The following PRKCH variants were observed in gnomAD, a reference collection of about 807,000 sequenced individuals.
PRKCH encodes the protein protein kinase C eta, also known as protein kinase C eta type.
In PRKCH, 28 loss-of-function variants were observed where a neutral mutation model predicts 82.5. That is an observed-to-expected ratio of 0.34 (90% CI 0.25 to 0.47). The LOEUF (loss-of-function observed/expected upper bound fraction) is 0.47, where lower values mean the gene tolerates loss of function less well. Among genes scored for constraint, PRKCH ranks in the 20% least tolerant of loss-of-function variants. The pLI, the probability that PRKCH is intolerant of heterozygous loss-of-function variation, is 1.00. For synonymous variants in PRKCH, 322 were observed against 327.4 expected, an observed-to-expected ratio of 0.98 and a Z score of 0.18; for missense variants, 705 against 881.8, an observed-to-expected ratio of 0.80 and a Z score of 2.54.
chr14:61,523,922 C>T (rs916874414), intron 10 of PRKCH, among the ~76,000 whole-genome samples: 3 of 152,132 alleles, frequency 2.0e-5, no homozygotes, highest in African/African-American at 7.2e-5. Flanking sequence ...GTCGATGTAG[C>T]GAGGGAGCAT....
intron 9 of PRKCH, among the ~76,000 whole-genome samples, chr14:61,480,856 C>T (rs902462250): frequency 1.3e-5 from 2 of 152,178 alleles, no homozygotes; most frequent in South Asian, 4.1e-4. Flanking sequence ...TGCCTGCCTT[C>T]GCAGTCCCTC....
chr14:61,368,639 C>A (rs1452210019), intron 1 of PRKCH, among the ~76,000 whole-genome samples: 1 of 152,122 alleles, frequency 6.6e-6, no homozygotes, highest in Non-Finnish European at 1.5e-5. Context: ...CTGATCACCT[C>A]CTCTCTTACA....
chr14:61,534,926 A>G (rs1222266462), intron 12 of PRKCH, among the ~76,000 whole-genome samples: 1 of 152,224 alleles, frequency 6.6e-6, no homozygotes, highest in African/African-American at 2.4e-5. Flanking sequence ...ACTTGTGAGT[A>G]GTAATTTCAC....
chr14:61,518,185 G>A (rs2139987528), intron 10 of PRKCH, among the ~76,000 whole-genome samples: 2 of 152,262 alleles, frequency 1.3e-5, no homozygotes, highest in African/African-American at 4.8e-5. Flanking sequence ...AGCCACCAAA[G>A]GTCTGTTGTC....
At chr14:61,438,775 C>T (rs956999972) in intron 2 of PRKCH, among the ~76,000 whole-genome samples, 8 of 152,152 alleles carry the variant, frequency 5.3e-5, no homozygotes, top group Non-Finnish European at 8.8e-5. Flanking sequence ...GTCACATGTG[C>T]TTTCTAAAGT....
At chr14:61,346,160 C>T (rs960731103) in intron 1 of PRKCH, among the ~76,000 whole-genome samples, 3 of 152,098 alleles carry the variant, frequency 2.0e-5, no homozygotes, top group Non-Finnish European at 4.4e-5. Flanking sequence ...ACATGCCTCC[C>T]TTGTTCAAGA....
chr14:61,375,731 C>G (rs1481422508), intron 1 of PRKCH, among the ~76,000 whole-genome samples: 1 of 151,936 alleles, frequency 6.6e-6, no homozygotes, highest in East Asian at 1.9e-4. Context: ...CCCAGCAGGC[C>G]CCTTCCCCAA....
At position 61,322,136 on chromosome 14, in the gene PRKCH, T is replaced by C; in HGVS notation, c.35T>C (p.Leu12Ser). ...GGCACCATGAAGTTCAATGGCTATTTGAGGGTCCGCATCGGTGAGGCAGTG... is the reference window on the plus strand; with the variant it reads ...GGCACCATGAAGTTCAATGGCTATTCGAGGGTCCGCATCGGTGAGGCAGTG... ...SSGTMKFNGYLRVRIGEAVGL... is the reference protein window; with the variant it reads ...SSGTMKFNGYSRVRIGEAVGL... Residue 12 changes from leucine (L) to serine (S), a missense_variant, in exon 1 of 14, where the codon TTG becomes TCG. Around this residue, in one of 5 missense-constraint regions of PRKCH, gnomAD observed 246 missense variants for 308.0 expected, o/e 0.80. Transcript: ENST00000332981. The C allele has an allele frequency of 6.2e-7, 1 of 1,600,610 alleles. No individual in the cohort carries two copies. Among genetic ancestry groups the C allele is most frequent in the Non-Finnish European group, 8.5e-7 (1 of 1,173,598 alleles).
At chr14:61,219,648 C>G (rs1376387784) in intron 1 of PRKCH, among the ~76,000 whole-genome samples, 1 of 152,068 alleles carries the variant, frequency 6.6e-6, no homozygotes, top group African/African-American at 2.4e-5. Context: ...TTTTGTTAAC[C>G]TACTAGTTAT....
intron 10 of PRKCH, among the ~76,000 whole-genome samples, chr14:61,519,883 A>C (rs2042880295): frequency 6.6e-6 from 1 of 152,130 alleles, no homozygotes; most frequent in Non-Finnish European, 1.5e-5. Flanking sequence ...TAAAAAAAAA[A>C]AAAAATGAGC....
In PRKCH at chr14:61,383,347, T is replaced by A. The variant is rs1486401234; in HGVS notation, c.364-7878T>A. ...AGCAGATATGTATTGAGTGTTTACTTGGTTCAAGGAACTCTGCGAGGCTCC... is the reference window on the plus strand; with the variant it reads ...AGCAGATATGTATTGAGTGTTTACTAGGTTCAAGGAACTCTGCGAGGCTCC... On this transcript the variant is annotated intron_variant, in intron 1 of 13. Transcript: ENST00000332981. 1.3e-5 allele frequency among the ~76,000 whole-genome samples: 2 copies of A among 152,200 alleles called. 1 individual carries two copies. Among genetic ancestry groups the A allele is most frequent in the East Asian group, 3.9e-4 (2 of 5,188 alleles).
intron 1 of PRKCH, among the ~76,000 whole-genome samples, chr14:61,248,892 C>T (rs982226647): frequency 9.9e-5 from 15 of 151,984 alleles, no homozygotes; most frequent in Admixed American, 3.3e-4. Context: ...ACCTCTGCCT[C>T]CCGGATTCAA....
chr14:61,206,239 C>G (rs2044522732), intron 1 of PRKCH, among the ~76,000 whole-genome samples: 1 of 152,194 alleles, frequency 6.6e-6, no homozygotes, highest in Non-Finnish European at 1.5e-5. Context: ...TTCTAGAAGC[C>G]AGAAGTCTGA....
At chr14:61,251,575 T>A (rs1351616458) in intron 1 of PRKCH, among the ~76,000 whole-genome samples, 1 of 152,228 alleles carries the variant, frequency 6.6e-6, no homozygotes, top group African/African-American at 2.4e-5. Context: ...TGCATATATA[T>A]GCCACATTTT....
At chr14:61,243,383 C>CAAAAAAAAAAAAAAA (rs10555022) in intron 1 of PRKCH, among the ~76,000 whole-genome samples, 1 of 103,404 alleles carries the variant, frequency 9.7e-6, no homozygotes, top group Non-Finnish European at 2.0e-5. Flanking sequence ...GACTCTGTCT[C>CAAAAAAAAAAAAAAA]AAAAAAAAAA....
At chr14:61,348,530 G>T (rs1594934996) in intron 1 of PRKCH, among the ~76,000 whole-genome samples, 1 of 152,206 alleles carries the variant, frequency 6.6e-6, no homozygotes, top group African/African-American at 2.4e-5. Flanking sequence ...AGCTTCTTCA[G>T]TTCTTTATTG....
At chr14:61,412,901 C>T (rs1160834822) in intron 2 of PRKCH, among the ~76,000 whole-genome samples, 2 of 152,146 alleles carry the variant, frequency 1.3e-5, no homozygotes, top group African/African-American at 4.8e-5. Context: ...AACCTCTCTT[C>T]CTACAGAAGC....
intron 2 of PRKCH, among the ~76,000 whole-genome samples, chr14:61,412,268 A>G (rs1453325544): frequency 6.6e-6 from 1 of 152,248 alleles, no homozygotes; most frequent in Admixed American, 6.5e-5. Flanking sequence ...GGACATTAAA[A>G]TGGTTATTAT....
At chr14:61,344,588 C>T (rs554875315) in intron 1 of PRKCH, among the ~76,000 whole-genome samples, 2 of 152,246 alleles carry the variant, frequency 1.3e-5, no homozygotes, top group Non-Finnish European at 2.9e-5. Flanking sequence ...TCTTTTAAGG[C>T]CTCTGGAGCC....
Sources: gnomAD v4.1 joint callset for allele counts (sites outside exome capture counted in the v4.1 genomes callset) on GRCh38, gnomAD v4.1.1 for gene constraint, gnomAD v4.1.1 regional missense constraint, MANE v1.5 for transcripts, NCBI Gene and HGNC (gene_info 2026-07-23, HGNC 2026-07-21) for gene names.